The following DOCK7 variants were observed in gnomAD, a reference collection of about 807,000 sequenced individuals.
DOCK7 encodes the protein dedicator of cytokinesis protein 7.
DOCK7 carries 138 observed loss-of-function variants against 271.0 expected under a neutral mutation model. That is an observed-to-expected ratio of 0.51 (90% CI 0.44 to 0.59). DOCK7 has a LOEUF of 0.59. Among genes scored for constraint, DOCK7 ranks in the 20% least tolerant of loss-of-function variants. The pLI is 0.00. For synonymous variants in DOCK7, 823 were observed against 876.1 expected, an observed-to-expected ratio of 0.94 and a Z score of 1.07; for missense variants, 2,066 against 2,592.4, an observed-to-expected ratio of 0.80 and a Z score of 4.41.
intron 48 of DOCK7, among the ~76,000 whole-genome samples, chr1:62,461,979 G>A (rs1645542410): frequency 6.6e-6 from 1 of 151,506 alleles, no homozygotes; most frequent in African/African-American, 2.4e-5. Context: ...GCTGAGGTAG[G>A]AGAATCGCTT....
chr1:62,647,606 T>A, intron 7 of DOCK7, 85 bp downstream of exon 7: 1 of 901,120 alleles, frequency 1.1e-6, no homozygotes, highest in South Asian at 1.6e-5. Flanking sequence ...AATGCAACTA[T>A]AAAATCTACT....
At chr1:62,471,752 C>T (rs1450869199) in intron 48 of DOCK7, among the ~76,000 whole-genome samples, 1 of 151,996 alleles carries the variant, frequency 6.6e-6, no homozygotes, top group Non-Finnish European at 1.5e-5. Flanking sequence ...TAAACTATAC[C>T]ACATTCAAAT....
At chr1:62,647,828 C>CT in intron 6 of DOCK7, 52 bp from the exon 7 acceptor site, 2 of 1,327,666 alleles carry the variant, frequency 1.5e-6, no homozygotes, top group Non-Finnish European at 2.1e-6. Flanking sequence ...TATTCCAACT[C>CT]TTTATCTTTT....
chr1:62,584,968 T>C, intron 15 of DOCK7: 1 of 579,916 alleles, frequency 1.7e-6, no homozygotes, highest in Non-Finnish European at 3.2e-6. Flanking sequence ...ATTACATTTG[T>C]CGTATGCTCA....
intron 34 of DOCK7, among the ~76,000 whole-genome samples, chr1:62,508,939 C>G (rs1172832398): frequency 6.6e-6 from 1 of 151,974 alleles, no homozygotes; most frequent in Non-Finnish European, 1.5e-5. Context: ...GACAAAATAA[C>G]ACATAAAGTA....
intron 31 of DOCK7, among the ~76,000 whole-genome samples, chr1:62,525,952 T>C (rs1280969146): frequency 1.3e-5 from 2 of 152,230 alleles, no homozygotes; most frequent in Non-Finnish European, 2.9e-5. Flanking sequence ...TTTTTTTTCT[T>C]TTGAGACAGG....
intron 13 of DOCK7, among the ~76,000 whole-genome samples, 167 bp from the exon 14 acceptor site, chr1:62,619,035 A>G (rs947077275): frequency 6.6e-6 from 1 of 152,176 alleles, no homozygotes; most frequent in Non-Finnish European, 1.5e-5. Flanking sequence ...TTCATTTTGC[A>G]AAGTCTCAAA....
chr1:62,568,546 C>G (rs961781102), intron 18 of DOCK7, among the ~76,000 whole-genome samples: 6 of 147,968 alleles, frequency 4.1e-5, no homozygotes, highest in African/African-American at 1.3e-4. Flanking sequence ...CTCAAGTAAT[C>G]CCCCTGCCAC....
intron 31 of DOCK7, among the ~76,000 whole-genome samples, chr1:62,514,800 A>T (rs959216128): frequency 6.6e-6 from 1 of 152,158 alleles, no homozygotes; most frequent in African/African-American, 2.4e-5. Flanking sequence ...AAGGCTAGAG[A>T]GTAATTTGCC....
At chr1:62,492,957 AAGG>A in intron 40 of DOCK7, 110 bp from the exon 41 acceptor site, 1 of 876,028 alleles carries the variant, frequency 1.1e-6, no homozygotes. Context: ...AGGTTAAAAA[AAGG>A]AGAGTGATAT....
chr1:62,613,748 A>G (rs1300048591), intron 14 of DOCK7, among the ~76,000 whole-genome samples: 1 of 152,130 alleles, frequency 6.6e-6, no homozygotes, highest in Admixed American at 6.6e-5. Flanking sequence ...ATATTCATGC[A>G]GTTTTTAATT....
chr1:62,677,583 G>T (rs577899882), intron 1 of DOCK7, among the ~76,000 whole-genome samples: 1 of 151,760 alleles, frequency 6.6e-6, no homozygotes, highest in Admixed American at 6.6e-5. Flanking sequence ...AAAAGCCACC[G>T]AAAAAGCAGT....
intron 31 of DOCK7, among the ~76,000 whole-genome samples, chr1:62,518,781 A>C (rs1213754876): frequency 6.6e-6 from 1 of 152,054 alleles, no homozygotes; most frequent in Admixed American, 6.6e-5. Flanking sequence ...AAGAGAGAAA[A>C]AAAAAACTAT....
In DOCK7 at chr1:62,552,785, A is replaced by T. The variant is rs1645951471; in HGVS notation, c.2713T>A (p.Ser905Thr). ...RSLSNSNPDI[S>T]GTPTSPDDEV... ...TCATCTGGTGACGTGGGAGTCCCAG[A>T]TATATCTGGATTGCTATTACTAAGG... The change falls in exon 22 of 50, where the codon TCT becomes ACT. Residue 905 changes from serine to threonine, a missense_variant. Physicochemically the swap from Ser to Thr is moderately conservative, Grantham distance 58. Around this residue, in one of 2 missense-constraint regions of DOCK7, gnomAD observed 1,414 missense variants for 1,670.4 expected, o/e 0.85. Transcript: ENST00000635253. 6.2e-7 allele frequency: 1 copy of T among 1,613,984 alleles called. No individual in the cohort carries two copies.
intron 33 of DOCK7, among the ~76,000 whole-genome samples, chr1:62,512,035 C>T (rs947339916): frequency 6.6e-6 from 1 of 151,886 alleles, no homozygotes; most frequent in Non-Finnish European, 1.5e-5. Flanking sequence ...TCAAACAAAC[C>T]CAAAAGTACA....
chr1:62,498,096 T>C (rs1275813430), intron 37 of DOCK7, among the ~76,000 whole-genome samples: 2 of 151,932 alleles, frequency 1.3e-5, no homozygotes, highest in Non-Finnish European at 2.9e-5. Context: ...TTTTTTTAAT[T>C]AGCTAGATGT....
intron 15 of DOCK7, chr1:62,584,891 C>T (rs535881053): frequency 1.7e-5 from 12 of 709,274 alleles, no homozygotes; most frequent in Non-Finnish European, 3.1e-5. Flanking sequence ...GTAGAGGAGG[C>T]CACATATATG....
intron 2 of DOCK7, among the ~76,000 whole-genome samples, chr1:62,655,003 T>C (rs888907408): frequency 1.3e-5 from 2 of 152,210 alleles, no homozygotes; most frequent in Non-Finnish European, 2.9e-5. Flanking sequence ...AGTCCAGTGA[T>C]ACTGATTTCA....
At chr1:62,505,189 T>C (rs187475162) in intron 36 of DOCK7, among the ~76,000 whole-genome samples, 156 of 152,328 alleles carry the variant, frequency 1.0e-3, no homozygotes, top group African/African-American at 3.6e-3. Flanking sequence ...ATGAAATAGC[T>C]ACCTTCAAAA....
Sources: allele counts gnomAD v4.1 joint callset (sites outside exome capture counted in the v4.1 genomes callset), GRCh38; gene constraint gnomAD v4.1.1; regional missense constraint gnomAD v4.1.1; transcripts MANE v1.5; gene names NCBI Gene and HGNC (gene_info 2026-07-23, HGNC 2026-07-21).